The following LRRC72 variants were observed in gnomAD, a reference collection of about 807,000 sequenced individuals.
LRRC72 encodes the protein leucine-rich repeat-containing protein 72.
A neutral mutation model predicts 35.8 loss-of-function variants in LRRC72; 41 were observed. That is an observed-to-expected ratio of 1.15 (90% CI 0.89 to 1.49). LRRC72 has a LOEUF of 1.49. Ranked by LOEUF, LRRC72 falls within the 40% of genes most tolerant of loss-of-function variation. The pLI is 0.00. For synonymous variants in LRRC72, 118 were observed against 119.2 expected (o/e 0.99, Z 0.07); for missense variants, 389 against 330.7 (o/e 1.18, Z -1.37).
intron 3 of LRRC72, among the ~76,000 whole-genome samples, chr7:16,556,006 C>T (rs928341525): frequency 1.3e-5 from 2 of 151,654 alleles, no homozygotes; most frequent in African/African-American, 4.9e-5. Context: ...TATGGCTCTA[C>T]CATGTCTCAA....
At chr7:16,578,347 C>A (rs1270161466) in intron 7 of LRRC72, among the ~76,000 whole-genome samples, 1 of 152,104 alleles carries the variant, frequency 6.6e-6, no homozygotes, top group Non-Finnish European at 1.5e-5. Context: ...GTAGCAGGCG[C>A]CTGTAATCCC....
intron 7 of LRRC72, among the ~76,000 whole-genome samples, chr7:16,576,967 G>A (rs1350357153): frequency 2.0e-5 from 3 of 152,296 alleles, no homozygotes; most frequent in Middle Eastern, 3.4e-3. Flanking sequence ...GTACAGACAA[G>A]GCAGGACACA....
intron 3 of LRRC72, among the ~76,000 whole-genome samples, chr7:16,557,061 G>A (rs762649293): frequency 7.2e-5 from 11 of 152,112 alleles, no homozygotes; most frequent in Admixed American, 1.3e-4. Context: ...TATTGTCAGC[G>A]CAAAAGGGCT....
chr7:16,546,054 C>T (rs929303962), intron 3 of LRRC72, among the ~76,000 whole-genome samples: 4 of 151,982 alleles, frequency 2.6e-5, no homozygotes, highest in African/African-American at 9.7e-5. Flanking sequence ...TGGATAAGAA[C>T]ACCATAAAAA....
At chr7:16,529,456 A>C (rs916874472) in intron 1 of LRRC72, among the ~76,000 whole-genome samples, 1 of 151,510 alleles carries the variant, frequency 6.6e-6, no homozygotes, top group African/African-American at 2.4e-5. Context: ...GGGTTTTTTT[A>C]ATGTTACTAT....
chr7:16,575,262 T>G (rs1036217694), intron 7 of LRRC72, among the ~76,000 whole-genome samples: 5 of 152,160 alleles, frequency 3.3e-5, no homozygotes, highest in African/African-American at 1.2e-4. Flanking sequence ...CCTTCAAATA[T>G]TTTACAGAGT....
At chr7:16,555,839 T>G (rs1397689090) in intron 3 of LRRC72, among the ~76,000 whole-genome samples, 1 of 152,128 alleles carries the variant, frequency 6.6e-6, no homozygotes, top group African/African-American at 2.4e-5. Context: ...GAATTTACAG[T>G]CAGGAACATA....
intron 7 of LRRC72, among the ~76,000 whole-genome samples, chr7:16,572,080 G>C (rs946545806): frequency 6.6e-6 from 1 of 152,074 alleles, no homozygotes; most frequent in Non-Finnish European, 1.5e-5. Context: ...AAGCCGCCAG[G>C]AAGTTCAGAC....
At chr7:16,553,010 AAAGAT>A (rs1782582580) in intron 3 of LRRC72, among the ~76,000 whole-genome samples, 1 of 152,220 alleles carries the variant, frequency 6.6e-6, no homozygotes, top group South Asian at 2.1e-4. Flanking sequence ...AGTTTATAGT[AAAGAT>A]TAGTAAGGCT....
At chr7:16,546,990 G>C (rs1583640715) in intron 3 of LRRC72, among the ~76,000 whole-genome samples, 1 of 152,174 alleles carries the variant, frequency 6.6e-6, no homozygotes, top group Non-Finnish European at 1.5e-5. Flanking sequence ...GCAGCTCTGG[G>C]AGCAGCAGTG....
chr7:16,539,980 C>A (rs190624928), intron 3 of LRRC72, among the ~76,000 whole-genome samples: 118 of 152,346 alleles, frequency 7.7e-4, no homozygotes, highest in African/African-American at 2.6e-3. Context: ...GGAGCCCCCA[C>A]ACAGAGTCCC....
chr7:16,567,737 CCTCA>C (rs1254578026), intron 7 of LRRC72, among the ~76,000 whole-genome samples, 194 bp downstream of exon 7: 1 of 151,904 alleles, frequency 6.6e-6, no homozygotes, highest in Admixed American at 6.6e-5. Context: ...CAATTTTCAT[CCTCA>C]CTCATGCATG....
At chr7:16,543,398 GA>G (rs1313158997) in intron 3 of LRRC72, among the ~76,000 whole-genome samples, 2 of 152,152 alleles carry the variant, frequency 1.3e-5, no homozygotes, top group African/African-American at 2.4e-5. Context: ...GGCAAAAGGA[GA>G]AAAATAAAGG....
Position 16,526,981 on chromosome 7 carries a change from G to A in LRRC72, c.29G>A (p.Arg10His), listed in dbSNP as rs886746919. The change falls in exon 1 of 9, where the codon CGT (arginine) becomes CAT (histidine). Residue 10 changes from arginine to histidine, a missense_variant. Physicochemically the swap from Arg to His is conservative, Grantham distance 29 (BLOSUM62 0). Transcript: ENST00000401542. ...TCCTGGGACCCGAACCCCGTGCCCC[G>A]TACCTTGCGATGCTGGCGCCTACGG... is the stretch of plus-strand genomic sequence containing the variant. The part of the protein sequence containing the change: MSWDPNPVP[R>H]TLRCWRLRRA... 3.2e-6 allele frequency: 5 copies of A among 1,539,826 alleles called. No individual in the cohort carries two copies. The African/African-American group carries it at 4.1e-5, about 13-fold the overall frequency.
chr7:16,535,474 A>G (rs941761833), intron 2 of LRRC72, among the ~76,000 whole-genome samples: 7 of 152,218 alleles, frequency 4.6e-5, no homozygotes, highest in African/African-American at 1.7e-4. Context: ...AACATTAGGA[A>G]AATCATTTTT....
intron 1 of LRRC72, 112 bp downstream of exon 1, chr7:16,527,154 T>A: frequency 2.6e-6 from 2 of 782,018 alleles, no homozygotes; most frequent in African/African-American, 3.5e-5. Flanking sequence ...GGAATTTCAG[T>A]AGCCTGAAGA....
chr7:16,533,508 C>A (rs955816237), intron 2 of LRRC72, among the ~76,000 whole-genome samples: 1 of 152,040 alleles, frequency 6.6e-6, no homozygotes, highest in African/African-American at 2.4e-5. Context: ...CCTCTGAATT[C>A]TGTGTATTAT....
chr7:16,531,105 C>A (rs1200900566), intron 1 of LRRC72, among the ~76,000 whole-genome samples: 2 of 151,806 alleles, frequency 1.3e-5, no homozygotes, highest in Middle Eastern at 3.4e-3. Flanking sequence ...ATTGCTTGAA[C>A]CTGGGAGGCA....
chr7:16,568,637 A>G (rs1307600045), intron 7 of LRRC72, among the ~76,000 whole-genome samples: 2 of 152,218 alleles, frequency 1.3e-5, no homozygotes, highest in East Asian at 3.9e-4. Flanking sequence ...TAGACTGACC[A>G]GACAATTACC....
Sources: allele counts gnomAD v4.1 joint callset (sites outside exome capture counted in the v4.1 genomes callset), GRCh38; gene constraint gnomAD v4.1.1; transcripts MANE v1.5; gene names NCBI Gene and HGNC (gene_info 2026-07-23, HGNC 2026-07-21).